ZNF385B: variants seen among roughly 807,000 people sequenced by gnomAD.
ZNF385B encodes the protein zinc finger protein 533.
A neutral mutation model predicts 39.2 loss-of-function variants in ZNF385B; 23 were observed. The observed-to-expected ratio is 0.59, with a 90% CI of 0.42 to 0.83. The LOEUF (loss-of-function observed/expected upper bound fraction) is 0.83, where lower values mean the gene tolerates loss of function less well. Among genes scored for constraint, ZNF385B ranks in the 40% least tolerant of loss-of-function variants. The pLI, the probability that ZNF385B is intolerant of heterozygous loss-of-function variation, is 0.00. For synonymous variants in ZNF385B, 205 were observed against 222.6 expected (o/e 0.92, Z 0.70); for missense variants, 552 against 598.9 (o/e 0.92, Z 0.82).
At chr2:179,800,162 C>G (rs1705938198) in intron 1 of ZNF385B, among the ~76,000 whole-genome samples, 1 of 151,734 alleles carries the variant, frequency 6.6e-6, no homozygotes, top group African/African-American at 2.4e-5. Context: ...TTTATGTAAT[C>G]TAAGTTGGAA....
chr2:179,632,991 A>G (rs542961984), intron 3 of ZNF385B, among the ~76,000 whole-genome samples: 1 of 152,210 alleles, frequency 6.6e-6, no homozygotes, highest in African/African-American at 2.4e-5. Flanking sequence ...GACCCTCCCA[A>G]GACTAAACCA....
At position 179,757,406 on chromosome 2, in the gene ZNF385B, G is replaced by C. The variant is rs191060341; in HGVS notation, c.298+12097C>G. 6.3e-3 allele frequency among the ~76,000 whole-genome samples: 938 copies of C among 149,662 alleles called. 6 individuals are homozygous for C. The highest frequency in any genetic ancestry group is 0.022 in the African/African-American group (903 of 40,688). ...GTGCCTCCCAGTTAGGCTACTCGGG[G>C]TCAGGGACCCACTTGAGGAGGCAGT... is the stretch of plus-strand genomic sequence containing the variant. On this transcript the variant is annotated intron_variant, in intron 3 of 9. Coordinates refer to ENST00000410066, the MANE Select transcript of ZNF385B (RefSeq NM_152520.6).
Position 179,769,659 on chromosome 2 carries a change from A to G in ZNF385B, c.142T>C (p.Phe48Leu), listed in dbSNP as rs753838047. 2.5e-6 allele frequency: 4 copies of G among 1,614,078 alleles called. No homozygotes were observed. The highest frequency in any genetic ancestry group is 1.7e-5 in the Admixed American group (1 of 59,998). The stretch of plus-strand genomic sequence containing the variant: ...ATGTTGCACACCTCACAGAAGGAGA[A>G]AAGAATTTTCTTTTTCTCTTTGCTC... The part of the protein sequence containing the change: ...QLSKEKKKIL[F>L]SFCEVCNIQL... The change falls in exon 3 of 10, where the codon TTC becomes CTC. Residue 48 changes from phenylalanine (F) to leucine (L), a missense_variant. Coordinates refer to ENST00000410066, the MANE Select transcript of ZNF385B (RefSeq NM_152520.6).
chr2:179,858,002 G>A (rs1433909058), intron 1 of ZNF385B, among the ~76,000 whole-genome samples: 1 of 152,186 alleles, frequency 6.6e-6, no homozygotes, highest in Non-Finnish European at 1.5e-5. Flanking sequence ...TTACTAGCCA[G>A]TGATTAAGCT....
intron 5 of ZNF385B, among the ~76,000 whole-genome samples, chr2:179,497,196 T>A (rs778262224): frequency 3.3e-5 from 5 of 152,090 alleles, no homozygotes; most frequent in Admixed American, 2.6e-4. Flanking sequence ...GAACAATAAA[T>A]AATCACGTGA....
chr2:179,615,417 C>T (rs34663462), intron 3 of ZNF385B, among the ~76,000 whole-genome samples: 22,072 of 152,100 alleles, frequency 0.15, 1,876 homozygotes, highest in East Asian at 0.25. Flanking sequence ...GGGCTCCATC[C>T]CAGACCTAAC....
chr2:179,722,291 T>C (rs1246625352), intron 3 of ZNF385B, among the ~76,000 whole-genome samples: 1 of 152,078 alleles, frequency 6.6e-6, no homozygotes, highest in East Asian at 1.9e-4. Flanking sequence ...AAGATAGATA[T>C]CATTCCTAAA....
chr2:179,488,653 AC>A (rs1429266908), intron 5 of ZNF385B, among the ~76,000 whole-genome samples: 1 of 151,772 alleles, frequency 6.6e-6, no homozygotes, highest in Non-Finnish European at 1.5e-5. Flanking sequence ...AGTAATTAGA[AC>A]TGTTCCCTTA....
intron 3 of ZNF385B, among the ~76,000 whole-genome samples, chr2:179,584,728 A>C (rs965438169): frequency 6.6e-6 from 1 of 152,190 alleles, no homozygotes; most frequent in African/African-American, 2.4e-5. Context: ...GAGTTGCCTG[A>C]GGGACAACCA....
chr2:179,798,559 A>C (rs1204132545), intron 1 of ZNF385B, among the ~76,000 whole-genome samples: 1 of 152,152 alleles, frequency 6.6e-6, no homozygotes, highest in Admixed American at 6.6e-5. Flanking sequence ...AAATTCCAGT[A>C]TGCAAGGACA....
Position 179,516,534 on chromosome 2 carries a change from T to C in ZNF385B, c.552+1994A>G, listed in dbSNP as rs193090795. On this transcript the variant is annotated intron_variant, in intron 5 of 9. Coordinates refer to ENST00000410066, the MANE Select transcript of ZNF385B (RefSeq NM_152520.6). ...TTTGTATTTCCTTAATCGTTAAACATGTTGAGCATTTTTTTATGTGCTTAT... is the reference window on the plus strand; with the variant it reads ...TTTGTATTTCCTTAATCGTTAAACACGTTGAGCATTTTTTTATGTGCTTAT... Among the ~76,000 whole-genome samples the C allele has an allele frequency of 2.1e-3, 325 of 152,250 alleles. 1 individual carries two copies. Among genetic ancestry groups the C allele is most frequent in the African/African-American group, 6.1e-3 (252 of 41,578 alleles).
chr2:179,697,873 G>A (rs528822818), intron 3 of ZNF385B, among the ~76,000 whole-genome samples: 233 of 152,290 alleles, frequency 1.5e-3, no homozygotes, highest in African/African-American at 5.3e-3. Context: ...AAAAAAGGAT[G>A]AGTTCATGTC....
In ZNF385B at chr2:179,812,407, G is replaced by A. The variant is rs1264266760; in HGVS notation, c.-154-41735C>T. Reference sequence around the variant, plus strand: ...AATTCAAACTAGGTGTCCATCAGTGGTGGACTGGATAAAGAAACGCGGTAC... The same window carrying A: ...AATTCAAACTAGGTGTCCATCAGTGATGGACTGGATAAAGAAACGCGGTAC... On this transcript the variant is annotated intron_variant, in intron 1 of 9. Coordinates refer to ENST00000410066, the MANE Select transcript of ZNF385B (RefSeq NM_152520.6). 2.0e-5 allele frequency among the ~76,000 whole-genome samples: 3 copies of A among 152,150 alleles called. No individual in the cohort carries two copies. The East Asian group carries it at 5.8e-4, about 29-fold the overall frequency.
At chr2:179,562,940 A>C (rs1043949719) in intron 3 of ZNF385B, among the ~76,000 whole-genome samples, 8 of 152,310 alleles carry the variant, frequency 5.3e-5, no homozygotes, top group Admixed American at 2.6e-4. Flanking sequence ...TGTTCTCACA[A>C]CAAACTTTAT....
chr2:179,455,877 CTCAA>C (rs2050646008), intron 6 of ZNF385B, among the ~76,000 whole-genome samples: 1 of 70,868 alleles, frequency 1.4e-5, no homozygotes, highest in African/African-American at 6.1e-5. Flanking sequence ...GAGACTGCAT[CTCAA>C]AAAAAAAAAA....
At chr2:179,729,576 T>C (rs1023891465) in intron 3 of ZNF385B, among the ~76,000 whole-genome samples, 1 of 152,236 alleles carries the variant, frequency 6.6e-6, no homozygotes, top group South Asian at 2.1e-4. Flanking sequence ...AATGCTTACA[T>C]GAAGTACTCA....
intron 1 of ZNF385B, among the ~76,000 whole-genome samples, chr2:179,799,873 C>T (rs529711077): frequency 6.6e-6 from 1 of 152,176 alleles, no homozygotes; most frequent in East Asian, 1.9e-4. Flanking sequence ...GAGAGCTTTG[C>T]AATCATCCAA....
intron 1 of ZNF385B, among the ~76,000 whole-genome samples, chr2:179,783,847 AAG>A (rs971953369): frequency 1.4e-4 from 22 of 152,164 alleles, no homozygotes; most frequent in African/African-American, 5.1e-4. Flanking sequence ...TTGCAGAAAA[AAG>A]GAACACTTAT....
chr2:179,803,594 T>C (rs1268851368), intron 1 of ZNF385B, among the ~76,000 whole-genome samples: 1 of 152,202 alleles, frequency 6.6e-6, no homozygotes, highest in Admixed American at 6.5e-5. Context: ...AAACTGTGCA[T>C]GATATTTTGC....
Sources: gnomAD v4.1 joint callset for allele counts (sites outside exome capture counted in the v4.1 genomes callset) on GRCh38, gnomAD v4.1.1 for gene constraint, MANE v1.5 for transcripts, NCBI Gene and HGNC (gene_info 2026-07-23, HGNC 2026-07-21) for gene names.